Variants in ATF7IP2 observed in about 807,000 individuals in gnomAD.
ATF7IP2 encodes activating transcription factor 7-interacting protein 2.
A neutral mutation model predicts 64.2 loss-of-function variants in ATF7IP2; 42 were observed. The ratio of observed to expected loss-of-function variants is 0.65; its 90% CI spans 0.51 to 0.85. The LOEUF is 0.85. Among genes scored for constraint, ATF7IP2 ranks in the 40% least tolerant of loss-of-function variants. The pLI is 0.00. For missense variants in ATF7IP2, 933 were observed against 784.2 expected (o/e 1.19, Z -2.27); for synonymous variants, 308 against 272.8 (o/e 1.13, Z -1.27).
chr16:10,421,672 A>G (rs112103826), intron 3 of ATF7IP2, among the ~76,000 whole-genome samples: 5,854 of 152,338 alleles, frequency 0.038, 258 homozygotes, highest in Admixed American at 0.088. Flanking sequence ...GCAAGTGATC[A>G]TAAGATTGGA....
At chr16:10,467,835 G>A (rs984675750) in intron 9 of ATF7IP2, among the ~76,000 whole-genome samples, 9 of 151,012 alleles carry the variant, frequency 6.0e-5, no homozygotes, top group African/African-American at 1.9e-4. Flanking sequence ...TTACAGGTGT[G>A]AGCCATGGCG....
chr16:10,422,578 C>G (rs1405036677), intron 3 of ATF7IP2, among the ~76,000 whole-genome samples: 1 of 152,212 alleles, frequency 6.6e-6, no homozygotes, highest in Non-Finnish European at 1.5e-5. Flanking sequence ...GCTTTACGAA[C>G]TTCAGCTATG....
chr16:10,480,004 G>C (rs1596648595), intron 12 of ATF7IP2, among the ~76,000 whole-genome samples: 2 of 60,188 alleles, frequency 3.3e-5, no homozygotes, highest in African/African-American at 5.8e-5. Flanking sequence ...TTTTTTTTGA[G>C]ACAGTCTTGT....
At chr16:10,423,253 T>C (rs1311656836) in intron 3 of ATF7IP2, among the ~76,000 whole-genome samples, 1 of 152,068 alleles carries the variant, frequency 6.6e-6, no homozygotes, top group East Asian at 1.9e-4. Context: ...AATAAATAAA[T>C]AAATAAATAA....
intron 8 of ATF7IP2, chr16:10,445,376 C>G (rs2048765895): frequency 6.6e-6 from 1 of 152,172 alleles, no homozygotes; most frequent in African/African-American, 2.4e-5. Flanking sequence ...AAACAGGCCT[C>G]TCAGAGGAAA....
At position 10,431,068 on chromosome 16, in the gene ATF7IP2, A is replaced by C. The variant is rs758269231; in HGVS notation, c.448A>C (p.Asn150His). The C allele has an allele frequency of 6.2e-7, 1 of 1,614,142 alleles. No homozygotes were observed. The highest frequency in any genetic ancestry group is 1.7e-5 in the Admixed American group (1 of 60,022). Residue 150 changes from asparagine to histidine, a missense_variant, in exon 5 of 14, where the codon AAT becomes CAT. By Grantham distance (68) the Asn-to-His change is moderately conservative. Transcript: ENST00000562102. ...TGAAAACGATTCTGAGCATCAGACA[A>C]ATGTAACAAGATCCCTTTTTGAGCA... is the stretch of plus-strand genomic sequence containing the variant. Reference protein sequence around the residue: ...TSENDSEHQTNVTRSLFEHEG... With the variant: ...TSENDSEHQTHVTRSLFEHEG...
In ATF7IP2 at chr16:10,389,120, T is replaced by G. The variant is rs563826063; in HGVS notation, c.-242+2998T>G. ...AGCTTGATCTTGAAAGAGCATAGAC[T>G]AGGAGGGAAGGTTGATAATATGACA... On this transcript the variant is annotated intron_variant, in intron 1 of 13. Transcript: ENST00000562102. Among the ~76,000 whole-genome samples the G allele has an allele frequency of 6.6e-5, 10 of 152,142 alleles. No homozygotes were observed. The South Asian group carries it at 1.9e-3, about 28-fold the overall frequency.
chr16:10,421,400 C>A (rs2047986053), intron 3 of ATF7IP2, among the ~76,000 whole-genome samples: 1 of 152,154 alleles, frequency 6.6e-6, no homozygotes, highest in South Asian at 2.1e-4. Context: ...TTGCTGAGGG[C>A]TATTGCGACT....
In ATF7IP2 at chr16:10,428,916, C is replaced by A. The variant is rs2048154973; in HGVS notation, c.-111C>A. 1 of 151,684 alleles carries A rather than the reference C, an allele frequency of 6.6e-6. No individual in the cohort carries two copies. Among genetic ancestry groups the A allele is most frequent in the African/African-American group, 2.4e-5 (1 of 41,244 alleles). 9.4% of individuals were successfully genotyped at this position (151,684 alleles called of 1,614,324 possible). ...TGAGACACGGTCTCACTCTGTCACC[C>A]TTGCTGGAGTGCAGTGGTGCAATCA... is the stretch of plus-strand genomic sequence containing the variant. On this transcript the variant is annotated 5_prime_UTR_variant, in exon 4 of 14. Transcript: ENST00000562102.
At chr16:10,466,531 C>T (rs1486836854) in intron 9 of ATF7IP2, among the ~76,000 whole-genome samples, 2 of 152,084 alleles carry the variant, frequency 1.3e-5, no homozygotes, top group Non-Finnish European at 2.9e-5. Flanking sequence ...CTTGCCAACT[C>T]TTGGTGGTAT....
intron 1 of ATF7IP2, 152 bp downstream of exon 1, chr16:10,386,274 G>C (rs1008422264): frequency 6.6e-6 from 1 of 152,266 alleles, no homozygotes; most frequent in Non-Finnish European, 1.5e-5. Context: ...TGACTGAAAA[G>C]CGTCCGCGGG....
intron 8 of ATF7IP2, among the ~76,000 whole-genome samples, chr16:10,451,791 G>C (rs948361390): frequency 2.0e-5 from 3 of 151,874 alleles, no homozygotes; most frequent in African/African-American, 7.3e-5. Context: ...GGGTACACTG[G>C]CTCACACCTG....
chr16:10,425,052 A>C (rs928198670), intron 3 of ATF7IP2, among the ~76,000 whole-genome samples: 22 of 149,170 alleles, frequency 1.5e-4, no homozygotes, highest in African/African-American at 5.3e-4. Context: ...TGTTTATATC[A>C]GATTTTTTTT....
Position 10,482,428 on chromosome 16 carries a change from A to G in ATF7IP2, c.*179A>G, listed in dbSNP as rs1179532698. On this transcript the variant is annotated 3_prime_UTR_variant, in exon 14 of 14. Coordinates refer to ENST00000562102, the MANE Select transcript of ATF7IP2 (RefSeq NM_001393719.1). ...TTAATGAATTTCTGGTTTGTATTAA[A>G]TATGTCCTTCCAATGGATAAGTTCT... 1.1e-5 allele frequency: 6 copies of G among 531,102 alleles called. No homozygotes were observed. The highest frequency in any genetic ancestry group is 2.0e-5 in the Non-Finnish European group (6 of 306,074). 32.9% of individuals were successfully genotyped at this position (531,102 alleles called of 1,614,324 possible).
intron 12 of ATF7IP2, among the ~76,000 whole-genome samples, chr16:10,476,492 G>T (rs2050012807): frequency 1.3e-5 from 2 of 152,016 alleles, no homozygotes; most frequent in African/African-American, 4.8e-5. Context: ...AGTTGTGTGT[G>T]TGTGTGTTTT....
chr16:10,403,697 A>G (rs1429658443), intron 1 of ATF7IP2, among the ~76,000 whole-genome samples: 1 of 152,218 alleles, frequency 6.6e-6, no homozygotes, highest in Non-Finnish European at 1.5e-5. Flanking sequence ...CTGAAAACCC[A>G]TACAAAGAAG....
chr16:10,410,858 T>C (rs1383756222), intron 1 of ATF7IP2, among the ~76,000 whole-genome samples: 2 of 152,266 alleles, frequency 1.3e-5, no homozygotes, highest in Non-Finnish European at 2.9e-5. Flanking sequence ...TTGTCATAGA[T>C]GGCTTTTATT....
Position 10,482,763 on chromosome 16 carries a change from T to C in ATF7IP2, c.*514T>C, listed in dbSNP as rs1227382955. On this transcript the variant is annotated 3_prime_UTR_variant, in exon 14 of 14. Coordinates refer to ENST00000562102, the MANE Select transcript of ATF7IP2 (RefSeq NM_001393719.1). The stretch of plus-strand genomic sequence containing the variant: ...TTTTTTTTTTGAGATGGAATATTGC[T>C]CTGTTGCCCAGGCTGGAGTACAGTG... 6.6e-6 allele frequency: 1 copy of C among 152,384 alleles called. No individual in the cohort carries two copies. Among genetic ancestry groups the C allele is most frequent in the Non-Finnish European group, 1.5e-5 (1 of 68,246 alleles). The allele number at this position is 152,384 out of a possible 1,614,324, so 9.4% of individuals were successfully genotyped here. A position where few individuals can be genotyped will look rare whatever the true frequency, so the allele number is the denominator to read the frequency against.
At chr16:10,418,599 T>C (rs965283311) in intron 2 of ATF7IP2, among the ~76,000 whole-genome samples, 1 of 152,252 alleles carries the variant, frequency 6.6e-6, no homozygotes, top group African/African-American at 2.4e-5. Context: ...AATGGGTTAA[T>C]AGCTGCTAAT....
Sources: allele counts gnomAD v4.1 joint callset (sites outside exome capture counted in the v4.1 genomes callset), GRCh38; gene constraint gnomAD v4.1.1; transcripts MANE v1.5; gene names NCBI Gene and HGNC (gene_info 2026-07-23, HGNC 2026-07-21).